Variants in ZNF451 observed in about 807,000 individuals in gnomAD.
ZNF451 encodes the protein zinc finger protein 451.
ZNF451 carries 80 observed loss-of-function variants against 107.1 expected under a neutral mutation model. The observed-to-expected ratio is 0.75, with a 90% confidence interval of 0.62 to 0.90. ZNF451 has a LOEUF of 0.90. ZNF451 is among the 40% of genes least tolerant of loss of function. ZNF451 has a pLI of 0.00. For synonymous variants in ZNF451, 362 were observed against 406.5 expected (o/e 0.89, Z 1.32); for missense variants, 1,107 against 1,236.2 (o/e 0.90, Z 1.57).
intron 13 of ZNF451, chr6:57,158,596 G>T (rs1377362434): frequency 1.0e-6 from 1 of 985,284 alleles, no homozygotes; most frequent in African/African-American, 1.7e-5. Context: ...TGGTTTCAAA[G>T]AAATTCACTA....
At chr6:57,129,785 C>T (rs553748213) in intron 5 of ZNF451, among the ~76,000 whole-genome samples, 1 of 152,186 alleles carries the variant, frequency 6.6e-6, no homozygotes, top group Non-Finnish European at 1.5e-5. Flanking sequence ...TCGCAAACTC[C>T]CCTCCTGCCC....
At chr6:57,129,166 TC>T (rs1489822484) in intron 5 of ZNF451, among the ~76,000 whole-genome samples, 1 of 152,162 alleles carries the variant, frequency 6.6e-6, no homozygotes, top group African/African-American at 2.4e-5. Context: ...TTATTTGAGG[TC>T]AGAAAAAGCT....
rs1163876337 is a variant in ZNF451, at chr6:57,147,418, C to T, written c.1333C>T (p.Pro445Ser). 1 of 1,613,692 alleles carries T rather than the reference C, an allele frequency of 6.2e-7. No homozygotes were observed. The highest frequency in any genetic ancestry group is 1.7e-5 in the Admixed American group (1 of 59,940). Residue 445 changes from proline to serine, a missense_variant, in exon 10 of 15, where the codon CCA (proline) becomes TCA (serine). Pro to Ser is a moderately conservative substitution (Grantham distance 74). Coordinates refer to ENST00000370706, the MANE Select transcript of ZNF451 (RefSeq NM_001031623.3). ...ESSSLECIAIPKKKMNLKDKS... is the reference protein window; with the variant it reads ...ESSSLECIAISKKKMNLKDKS... ...TAGCTCACTGGAGTGCATTGCCATT[C>T]CAAAAAAGAAGATGAATTTAAAAGA... is the stretch of plus-strand genomic sequence containing the variant.
At chr6:57,149,373 G>T (rs1203991847) in intron 10 of ZNF451, among the ~76,000 whole-genome samples, 7 of 152,062 alleles carry the variant, frequency 4.6e-5, no homozygotes, top group Admixed American at 4.6e-4. Context: ...AGTATAATTT[G>T]TTTTTGTTTA....
chr6:57,166,338 T>TA (rs1191094794), intron 14 of ZNF451, among the ~76,000 whole-genome samples: 1 of 152,200 alleles, frequency 6.6e-6, no homozygotes, highest in East Asian at 1.9e-4. Flanking sequence ...ATACTACATT[T>TA]AAAAAAATTT....
chr6:57,109,877 A>T (rs1258116390), intron 3 of ZNF451, among the ~76,000 whole-genome samples: 1 of 152,214 alleles, frequency 6.6e-6, no homozygotes, highest in Non-Finnish European at 1.5e-5. Context: ...AGTTTGTCAG[A>T]CATCTTTTTC....
chr6:57,101,367 T>G (rs1434531910), intron 3 of ZNF451: 3 of 1,550,718 alleles, frequency 1.9e-6, no homozygotes, highest in Non-Finnish European at 2.6e-6. Flanking sequence ...ACCCTGCTGA[T>G]TGCCATCCTT....
intron 11 of ZNF451, 165 bp downstream of exon 11, chr6:57,151,027 C>G (rs894133613): frequency 1.2e-6 from 1 of 811,010 alleles, no homozygotes; most frequent in African/African-American, 1.7e-5. Flanking sequence ...TCTTTACATG[C>G]CTCTGTGGTA....
intron 2 of ZNF451, among the ~76,000 whole-genome samples, chr6:57,095,890 C>T (rs539905801): frequency 1.7e-4 from 26 of 151,998 alleles, no homozygotes; most frequent in African/African-American, 6.3e-4. Context: ...CTGGCGTGAT[C>T]TCAGCTCTCT....
intron 3 of ZNF451, among the ~76,000 whole-genome samples, chr6:57,111,428 T>C (rs1306962732): frequency 6.6e-6 from 1 of 151,800 alleles, no homozygotes; most frequent in East Asian, 1.9e-4. Context: ...TCGCTGAGGC[T>C]AGAGTGCAGT....
Position 57,169,276 on chromosome 6 carries a change from T to C in ZNF451, c.*807T>C, listed in dbSNP as rs1306001213. On this transcript the variant is annotated 3_prime_UTR_variant, in exon 15 of 15. Transcript: ENST00000370706. ...ACATAATATTCTTCAAGAAATAATG[T>C]TGAAAGCCTACTCAGGAATAATCTT... is the stretch of plus-strand genomic sequence containing the variant. 6.6e-6 allele frequency: 1 copy of C among 152,188 alleles called. No individual in the cohort carries two copies. Among genetic ancestry groups the C allele is most frequent in the African/African-American group, 2.4e-5 (1 of 41,462 alleles). The allele number at this position is 152,188 out of a possible 1,614,324, so 9.4% of individuals were successfully genotyped here. A position where few individuals can be genotyped will look rare whatever the true frequency, so the allele number is the denominator to read the frequency against.
rs1342463596 is a variant in ZNF451, at chr6:57,124,853, A to G, written c.306A>G (p.Ala102=). 1 of 1,592,782 alleles carries G rather than the reference A, an allele frequency of 6.3e-7. No individual in the cohort carries two copies. The highest frequency in any genetic ancestry group is 8.6e-7 in the Non-Finnish European group (1 of 1,169,376). ...EKQQKEEKNR[A]FREKIDFQHA... The stretch of plus-strand genomic sequence containing the variant: ...AGCAGAAAGAAGAGAAGAATAGAGC[A>G]TTCAGAGTATGTGCTATTTTAATTG... Residue 102 remains alanine (A), a synonymous_variant, in exon 4 of 15, where the codon GCA becomes GCG. Transcript: ENST00000370706.
chr6:57,095,814 T>G (rs4236146), intron 2 of ZNF451, among the ~76,000 whole-genome samples: 91,162 of 148,110 alleles, frequency 0.62, 29,139 homozygotes, highest in Middle Eastern at 0.74. Context: ...GCTTTTTTTT[T>G]TTGTTGTTGT....
intron 9 of ZNF451, among the ~76,000 whole-genome samples, chr6:57,145,803 T>C (rs1319680611): frequency 6.6e-6 from 1 of 152,174 alleles, no homozygotes; most frequent in Non-Finnish European, 1.5e-5. Flanking sequence ...TACTTTTTCT[T>C]AAGGTAGATA....
At chr6:57,142,777 T>C (rs1761822593) in intron 9 of ZNF451, among the ~76,000 whole-genome samples, 2 of 152,216 alleles carry the variant, frequency 1.3e-5, no homozygotes, top group African/African-American at 4.8e-5. Context: ...CTACTAAATA[T>C]CCAAAGTTGG....
intron 10 of ZNF451, among the ~76,000 whole-genome samples, chr6:57,149,751 G>A (rs1832258452): frequency 6.6e-6 from 1 of 152,056 alleles, no homozygotes; most frequent in African/African-American, 2.4e-5. Context: ...ATTAAATCAT[G>A]AGCTACCTAG....
rs1377721225 is a variant in ZNF451, at chr6:57,141,450, T to C, written c.851T>C (p.Leu284Pro). Reference sequence around the variant, plus strand: ...AATCATTTCCATCAGAGTTTCAAACTGGGTGGTATGTTAATACTCTCTTCT... The same window carrying C: ...AATCATTTCCATCAGAGTTTCAAACCGGGTGGTATGTTAATACTCTCTTCT... ...GKNHFHQSFKLGDNKGIAHPI... is the reference protein window; with the variant it reads ...GKNHFHQSFKPGDNKGIAHPI... The change falls in exon 8 of 15, where the codon CTG (leucine) becomes CCG (proline). Residue 284 changes from leucine to proline, a missense_variant. By Grantham distance (98) the Leu-to-Pro change is moderately conservative. Coordinates refer to ENST00000370706, the MANE Select transcript of ZNF451 (RefSeq NM_001031623.3). The C allele has an allele frequency of 1.2e-6, 2 of 1,610,742 alleles. No individual in the cohort carries two copies. Among genetic ancestry groups the C allele is most frequent in the Non-Finnish European group, 1.7e-6 (2 of 1,178,230 alleles).
chr6:57,163,449 T>TTTTTTTTTTC (rs1763761872), intron 14 of ZNF451, among the ~76,000 whole-genome samples: 1 of 82,860 alleles, frequency 1.2e-5, no homozygotes, highest in Admixed American at 1.2e-4. Flanking sequence ...TTTTTTTTTT[T>TTTTTTTTTTC]TTTTTTTTTT....
chr6:57,128,568 G>A (rs542715663), intron 4 of ZNF451, among the ~76,000 whole-genome samples, 161 bp from the exon 5 acceptor site: 44 of 152,242 alleles, frequency 2.9e-4, no homozygotes, highest in Admixed American at 1.7e-3. Flanking sequence ...ATCTTAGAGC[G>A]TGCATTTTTA....
Sources: allele counts gnomAD v4.1 joint callset (sites outside exome capture counted in the v4.1 genomes callset), GRCh38; gene constraint gnomAD v4.1.1; transcripts MANE v1.5; gene names NCBI Gene and HGNC (gene_info 2026-07-23, HGNC 2026-07-21).